NLGN1: variants seen among roughly 807,000 people sequenced by gnomAD.
The protein encoded by NLGN1 is neuroligin 1, also known as neuroligin-1.
In NLGN1, 12 loss-of-function variants were observed where a neutral mutation model predicts 65.5. The ratio of observed to expected loss-of-function variants is 0.18; its 90% confidence interval spans 0.12 to 0.30. The LOEUF is 0.30. NLGN1 is among the 10% of genes least tolerant of loss of function. NLGN1 has a pLI of 1.00. For missense variants in NLGN1, 750 were observed against 1,007.1 expected, an observed-to-expected ratio of 0.74 and a Z score of 3.46; for synonymous variants, 350 against 359.5, an observed-to-expected ratio of 0.97 and a Z score of 0.30.
intron 4 of NLGN1, among the ~76,000 whole-genome samples, chr3:173,938,078 T>C (rs1745361579): frequency 6.6e-6 from 1 of 152,146 alleles, no homozygotes; most frequent in African/African-American, 2.4e-5. Context: ...ACACTGGGAA[T>C]ACAAAGATGA....
chr3:173,925,858 C>T (rs1742906253), intron 4 of NLGN1, among the ~76,000 whole-genome samples: 1 of 151,858 alleles, frequency 6.6e-6, no homozygotes, highest in Admixed American at 6.6e-5. Flanking sequence ...ATTACAGTAC[C>T]TTTAAAAAGT....
At chr3:173,949,911 T>C (rs972433331) in intron 4 of NLGN1, among the ~76,000 whole-genome samples, 7 of 152,266 alleles carry the variant, frequency 4.6e-5, no homozygotes, top group African/African-American at 1.7e-4. Flanking sequence ...TCTGGAGAGA[T>C]TTCCATTTAT....
At chr3:173,604,435 A>C (rs1342809860) in exon 3 of NLGN1, 11 of 714,814 alleles carry the variant, frequency 1.5e-5, no homozygotes, top group Non-Finnish European at 2.4e-5. Flanking sequence ...TACATGTGAA[A>C]TCAATGGGAG....
intron 4 of NLGN1, among the ~76,000 whole-genome samples, chr3:173,986,758 C>G (rs1028822030): frequency 4.6e-5 from 7 of 152,174 alleles, no homozygotes; most frequent in African/African-American, 7.2e-5. Flanking sequence ...GCATAGAAAT[C>G]TATTCAATTG....
chr3:173,691,337 C>G (rs1243835666), intron 3 of NLGN1, among the ~76,000 whole-genome samples: 1 of 152,026 alleles, frequency 6.6e-6, no homozygotes, highest in Non-Finnish European at 1.5e-5. Flanking sequence ...TTTCTCCATC[C>G]TCTGCATTTA....
intron 4 of NLGN1, among the ~76,000 whole-genome samples, chr3:174,034,857 G>C (rs1730783729): frequency 1.3e-5 from 2 of 152,088 alleles, no homozygotes; most frequent in South Asian, 2.1e-4. Context: ...TTTGTGAATA[G>C]TTTACACAGA....
At chr3:173,959,962 C>T (rs1713132248) in intron 4 of NLGN1, among the ~76,000 whole-genome samples, 1 of 151,892 alleles carries the variant, frequency 6.6e-6, no homozygotes, top group Admixed American at 6.6e-5. Context: ...TTTAATCAAC[C>T]ATATATTTTT....
chr3:174,291,240 G>A (rs578136425), downstream of NLGN1, among the ~76,000 whole-genome samples: 1 of 150,684 alleles, frequency 6.6e-6, no homozygotes, highest in African/African-American at 2.4e-5. Flanking sequence ...GTGATAAGAA[G>A]ATAGAAAAAG....
chr3:174,045,434 G>T (rs1265631629), intron 4 of NLGN1, among the ~76,000 whole-genome samples: 1 of 152,064 alleles, frequency 6.6e-6, no homozygotes, highest in Non-Finnish European at 1.5e-5. Context: ...AGAACAGCAT[G>T]GAAGGACTAC....
At chr3:173,480,031 T>C (rs9843967) in intron 2 of NLGN1, among the ~76,000 whole-genome samples, 1,607 of 152,274 alleles carry the variant, frequency 0.011, 30 homozygotes, top group African/African-American at 0.037. Flanking sequence ...TGGACAATTT[T>C]GGGCATATAT....
intron 4 of NLGN1, among the ~76,000 whole-genome samples, chr3:173,969,484 T>G (rs1379350234): frequency 1.3e-5 from 2 of 152,144 alleles, no homozygotes; most frequent in Non-Finnish European, 2.9e-5. Context: ...GTAAATATAG[T>G]GGGCACTATC....
intron 4 of NLGN1, among the ~76,000 whole-genome samples, chr3:173,832,396 G>A (rs1722772530): frequency 6.6e-6 from 1 of 152,128 alleles, no homozygotes; most frequent in East Asian, 1.9e-4. Flanking sequence ...TGAATTTATT[G>A]TTTTTGGATA....
At chr3:173,964,373 C>G (rs1255546387) in intron 4 of NLGN1, among the ~76,000 whole-genome samples, 4 of 152,168 alleles carry the variant, frequency 2.6e-5, no homozygotes. Context: ...CTGCAACATG[C>G]AGCTGTTATA....
chr3:174,247,792 G>A (rs745993445), intron 4 of NLGN1, among the ~76,000 whole-genome samples: 7 of 152,188 alleles, frequency 4.6e-5, no homozygotes, highest in Non-Finnish European at 8.8e-5. Context: ...AAGACCAGAC[G>A]TTTTCAGGCT....
At chr3:173,561,064 G>T (rs1742651895) in intron 2 of NLGN1, among the ~76,000 whole-genome samples, 1 of 152,114 alleles carries the variant, frequency 6.6e-6, no homozygotes, top group African/African-American at 2.4e-5. Context: ...GAGGAGCCTA[G>T]ATTGTTCCTA....
chr3:173,517,205 C>T (rs191813541), intron 2 of NLGN1, among the ~76,000 whole-genome samples: 69 of 152,146 alleles, frequency 4.5e-4, no homozygotes, highest in Admixed American at 7.2e-4. Context: ...CTATCTATCT[C>T]TTCCAGTATG....
intron 4 of NLGN1, among the ~76,000 whole-genome samples, chr3:173,929,087 C>T (rs1281168252): frequency 6.6e-6 from 1 of 152,116 alleles, no homozygotes; most frequent in African/African-American, 2.4e-5. Context: ...GAAATAGGTT[C>T]TATGTATCCA....
chr3:173,810,256 G>A (rs930722190), intron 4 of NLGN1, among the ~76,000 whole-genome samples: 3 of 152,122 alleles, frequency 2.0e-5, no homozygotes, highest in Admixed American at 2.0e-4. Context: ...ACAGCTCATC[G>A]GACAGAACTG....
chr3:173,794,088 C>T (rs1713436102), intron 3 of NLGN1, among the ~76,000 whole-genome samples: 1 of 151,998 alleles, frequency 6.6e-6, no homozygotes, highest in Non-Finnish European at 1.5e-5. Flanking sequence ...CCGAAATCTT[C>T]TTTCCACCCT....
Sources: allele counts gnomAD v4.1 joint callset (sites outside exome capture counted in the v4.1 genomes callset), GRCh38; gene constraint gnomAD v4.1.1; transcripts MANE v1.5; gene names NCBI Gene and HGNC (gene_info 2026-07-23, HGNC 2026-07-21).